Variants in ZBTB20 observed in about 807,000 individuals in gnomAD.
ZBTB20 encodes zinc finger and BTB domain-containing protein 20.
A neutral mutation model predicts 56.9 loss-of-function variants in ZBTB20; 9 were observed. The observed-to-expected ratio is 0.16, with a 90% CI of 0.10 to 0.28. The LOEUF (loss-of-function observed/expected upper bound fraction) is 0.28, where lower values mean the gene tolerates loss of function less well. Ranked by LOEUF, ZBTB20 falls within the 10% of genes least tolerant of loss-of-function variation. The pLI is 1.00. For missense variants in ZBTB20, 655 were observed against 1,003.0 expected, an observed-to-expected ratio of 0.65 and a Z score of 4.69; for synonymous variants, 417 against 420.7, an observed-to-expected ratio of 0.99 and a Z score of 0.11.
intron 7 of ZBTB20, among the ~76,000 whole-genome samples, chr3:114,409,886 A>G (rs1006860812): frequency 4.6e-5 from 7 of 152,214 alleles, no homozygotes; most frequent in Non-Finnish European, 8.8e-5. Flanking sequence ...TAAAAGAAAC[A>G]GAAAGAAAAT....
At chr3:114,967,783 C>T (rs1027404328) in intron 3 of ZBTB20, among the ~76,000 whole-genome samples, 1 of 151,974 alleles carries the variant, frequency 6.6e-6, no homozygotes, top group Admixed American at 6.5e-5. Context: ...GTGGTGAAAC[C>T]CCATCTCTAC....
At chr3:114,433,914 G>A (rs2090317587) in intron 7 of ZBTB20, among the ~76,000 whole-genome samples, 1 of 152,142 alleles carries the variant, frequency 6.6e-6, no homozygotes, top group African/African-American at 2.4e-5. Context: ...GTGCATTAGG[G>A]GATTGGAGGG....
intron 4 of ZBTB20, among the ~76,000 whole-genome samples, chr3:114,885,909 C>G (rs1469338635): frequency 6.6e-6 from 1 of 152,128 alleles, no homozygotes; most frequent in Non-Finnish European, 1.5e-5. Context: ...TATAATCACT[C>G]TATTAATTAT....
At chr3:114,937,246 C>A (rs933754347) in intron 3 of ZBTB20, among the ~76,000 whole-genome samples, 5 of 152,096 alleles carry the variant, frequency 3.3e-5, no homozygotes, top group African/African-American at 1.2e-4. Context: ...AGTGTAAAAG[C>A]GTTCTTATTT....
At chr3:114,782,425 C>G (rs2070171601) in intron 5 of ZBTB20, among the ~76,000 whole-genome samples, 1 of 152,154 alleles carries the variant, frequency 6.6e-6, no homozygotes, top group Non-Finnish European at 1.5e-5. Flanking sequence ...AAGTAGCTAG[C>G]TATTATGGTA....
chr3:114,481,211 T>C (rs1324699250), intron 7 of ZBTB20, among the ~76,000 whole-genome samples: 1 of 151,308 alleles, frequency 6.6e-6, no homozygotes, highest in Non-Finnish European at 1.5e-5. Flanking sequence ...TCCAAGTCTT[T>C]AGGTCAAGAC....
intron 6 of ZBTB20, among the ~76,000 whole-genome samples, chr3:114,520,507 G>C (rs1438770990): frequency 6.6e-6 from 1 of 152,154 alleles, no homozygotes; most frequent in Non-Finnish European, 1.5e-5. Context: ...GATAGGATGT[G>C]TGTTGGTTTG....
intron 5 of ZBTB20, among the ~76,000 whole-genome samples, chr3:114,705,528 T>G (rs914013842): frequency 6.6e-6 from 1 of 151,964 alleles, no homozygotes; most frequent in Non-Finnish European, 1.5e-5. Context: ...AAAGGGAAAA[T>G]AGCAAAAGGA....
chr3:115,049,143 T>C (rs935868322), intron 2 of ZBTB20, among the ~76,000 whole-genome samples: 7 of 152,144 alleles, frequency 4.6e-5, no homozygotes, highest in Admixed American at 3.9e-4. Flanking sequence ...CTGTAGGAAG[T>C]CTTCCCTGAC....
intron 6 of ZBTB20, among the ~76,000 whole-genome samples, chr3:114,559,158 C>T (rs573369978): frequency 1.2e-4 from 19 of 152,236 alleles, no homozygotes; most frequent in African/African-American, 4.3e-4. Context: ...ATAGTAGGTG[C>T]TCAACAAATA....
At chr3:114,564,301 A>G (rs1438174739) in intron 6 of ZBTB20, among the ~76,000 whole-genome samples, 1 of 152,056 alleles carries the variant, frequency 6.6e-6, no homozygotes, top group Non-Finnish European at 1.5e-5. Flanking sequence ...TTGCCATCTA[A>G]GGCAACATAC....
Position 114,350,402 on chromosome 3 carries a change from G to A in ZBTB20, c.1676C>T (p.Pro559Leu), listed in dbSNP as rs767311470. 1.2e-6 allele frequency: 2 copies of A among 1,614,188 alleles called. No individual in the cohort carries two copies. The highest frequency in any genetic ancestry group is 1.6e-4 in the Middle Eastern group (1 of 6,062). Residue 559 changes from proline (P) to leucine (L), a missense_variant, in exon 11 of 12, where the codon CCC (proline) becomes CTC (leucine). This residue lies in a region of ZBTB20 where 71 missense variants were observed against 89.4 expected (regional missense o/e 0.79). Transcript: ENST00000675478. ...GCTGTGGCCTGCGGATGAGGCCAGG[G>A]GCTGTGGCGCTGGCAGCTGTGCAGT... ...TFTAQLPAPQ[P>L]LASSAGHSTA...
intron 3 of ZBTB20, among the ~76,000 whole-genome samples, chr3:114,929,991 A>C (rs1422387044): frequency 6.6e-6 from 1 of 152,236 alleles, no homozygotes; most frequent in Non-Finnish European, 1.5e-5. Flanking sequence ...GTTTTAACAA[A>C]ATGAATAAGA....
At chr3:114,592,708 T>C (rs1219760972) in intron 6 of ZBTB20, among the ~76,000 whole-genome samples, 1 of 152,258 alleles carries the variant, frequency 6.6e-6, no homozygotes, top group African/African-American at 2.4e-5. Context: ...AAGTGGCTTA[T>C]CTATTAAGTT....
chr3:114,347,342 T>G (rs74508305), intron 11 of ZBTB20, among the ~76,000 whole-genome samples: 2,197 of 152,246 alleles, frequency 0.014, 44 homozygotes, highest in African/African-American at 0.05. Context: ...AACTCAAATT[T>G]CTTTTTAACT....
intron 6 of ZBTB20, among the ~76,000 whole-genome samples, chr3:114,595,566 G>C (rs2056243187): frequency 6.6e-6 from 1 of 152,188 alleles, no homozygotes; most frequent in Admixed American, 6.5e-5. Flanking sequence ...GGTTCAATGA[G>C]TCCAGGGAAG....
rs1029154267 is a variant in ZBTB20, at chr3:114,323,209, C to A, written c.*15796G>T. On this transcript the variant is annotated 3_prime_UTR_variant, in exon 12 of 12. Transcript: ENST00000675478. ...TTAACAAAGAAAAGTTAGGAAAAAA[C>A]CAATTTCAAAACTAAACTTTTAGGC... 6.6e-6 allele frequency: 1 copy of A among 152,106 alleles called. No individual in the cohort carries two copies. Among genetic ancestry groups the A allele is most frequent in the Admixed American group, 6.5e-5 (1 of 15,276 alleles). The allele number at this position is 152,106 out of a possible 1,614,324, so 9.4% of individuals were successfully genotyped here. A position where few individuals can be genotyped will look rare whatever the true frequency, so the allele number is the denominator to read the frequency against.
chr3:114,538,840 T>C (rs981923060), intron 6 of ZBTB20, among the ~76,000 whole-genome samples: 4 of 152,120 alleles, frequency 2.6e-5, no homozygotes, highest in African/African-American at 9.7e-5. Flanking sequence ...TATTAAAAAA[T>C]CTCAAAAATA....
intron 1 of ZBTB20, among the ~76,000 whole-genome samples, chr3:115,136,304 C>T (rs2084651172): frequency 6.6e-6 from 1 of 152,014 alleles, no homozygotes; most frequent in African/African-American, 2.4e-5. Flanking sequence ...TAAATTTGAA[C>T]TCCAATAAGT....
Sources: allele counts gnomAD v4.1 joint callset (sites outside exome capture counted in the v4.1 genomes callset), GRCh38; gene constraint gnomAD v4.1.1; regional missense constraint gnomAD v4.1.1; transcripts MANE v1.5; gene names NCBI Gene and HGNC (gene_info 2026-07-23, HGNC 2026-07-21).